The following MICAL2 variants were observed in gnomAD, a reference collection of about 807,000 sequenced individuals.
MICAL2 encodes microtubule associated monooxygenase, calponin and LIM domain containing 2.
Under a neutral mutation model 127.3 loss-of-function variants are expected in MICAL2, and 77 were observed. The observed-to-expected ratio is 0.60, with a 90% CI of 0.50 to 0.73. The LOEUF is 0.73. Among genes scored for constraint, MICAL2 ranks in the 30% least tolerant of loss-of-function variants. MICAL2 has a pLI of 0.00. For synonymous variants in MICAL2, 570 were observed against 551.1 expected, an observed-to-expected ratio of 1.03 and a Z score of -0.48; for missense variants, 1,351 against 1,434.4, an observed-to-expected ratio of 0.94 and a Z score of 0.94.
chr11:12,258,771 G>A (rs900164455), intron 25 of MICAL2, among the ~76,000 whole-genome samples: 6 of 152,210 alleles, frequency 3.9e-5, no homozygotes, highest in African/African-American at 1.4e-4. Flanking sequence ...GAGCTCCCAG[G>A]ACAGTAGCCA....
chr11:12,156,793 T>A (rs2133767355), intron 2 of MICAL2, among the ~76,000 whole-genome samples: 1 of 152,326 alleles, frequency 6.6e-6, no homozygotes, highest in Middle Eastern at 3.4e-3. Flanking sequence ...TCCTGCCTCA[T>A]CTCAGGTGTT....
At chr11:12,249,362 C>A in intron 22 of MICAL2, 116 bp downstream of exon 22, 1 of 656,036 alleles carries the variant, frequency 1.5e-6, no homozygotes, top group Non-Finnish European at 2.8e-6. Flanking sequence ...CAGTGCCTGG[C>A]ACCAGGGGAC....
chr11:12,229,187 T>A (rs1857872929), intron 15 of MICAL2, among the ~76,000 whole-genome samples: 1 of 152,338 alleles, frequency 6.6e-6, no homozygotes, highest in East Asian at 1.9e-4. Context: ...CTCCCTGGGA[T>A]GCTGCAGCGG....
chr11:12,325,324 G>C (rs908743360), intron 31 of MICAL2, among the ~76,000 whole-genome samples: 3 of 152,088 alleles, frequency 2.0e-5, no homozygotes, highest in African/African-American at 7.2e-5. Context: ...TGGCTAGGCT[G>C]ATCTCGAACT....
intron 1 of MICAL2, among the ~76,000 whole-genome samples, chr11:12,126,585 T>C (rs577876135): frequency 1.6e-4 from 25 of 152,072 alleles, no homozygotes; most frequent in African/African-American, 5.8e-4. Flanking sequence ...TTAAGAAGCA[T>C]TTATTGAACA....
At chr11:12,276,518 C>T in intron 1 of MICAL2, 1 of 168,428 alleles carries the variant, frequency 5.9e-6, no homozygotes, top group Non-Finnish European at 1.3e-5. Flanking sequence ...GTCCCGAGGG[C>T]CGCCCACTGC....
At chr11:12,291,613 G>A (rs981161852), downstream of MICAL2, among the ~76,000 whole-genome samples, 1 of 152,174 alleles carries the variant, frequency 6.6e-6, no homozygotes, top group African/African-American at 2.4e-5. Context: ...TCCCTCTCTT[G>A]TGTGCTCTTA....
chr11:12,121,884 T>G (rs555520928), intron 1 of MICAL2, among the ~76,000 whole-genome samples: 13 of 152,284 alleles, frequency 8.5e-5, no homozygotes, highest in African/African-American at 2.9e-4. Flanking sequence ...AAGCAGCAAA[T>G]GTAATGAGTT....
chr11:12,265,271 T>C (rs1863575758), downstream of MICAL2, among the ~76,000 whole-genome samples: 3 of 152,236 alleles, frequency 2.0e-5, no homozygotes, highest in South Asian at 6.2e-4. Flanking sequence ...AACATTTTGT[T>C]TTTGTTTTGG....
downstream of MICAL2, among the ~76,000 whole-genome samples, chr11:12,359,419 A>G (rs1166664209): frequency 6.6e-6 from 1 of 151,932 alleles, no homozygotes; most frequent in Non-Finnish European, 1.5e-5. Context: ...AACTGAACAC[A>G]CTAGGGTACA....
At chr11:12,163,559 T>G (rs1367704477) in intron 3 of MICAL2, 1 of 152,278 alleles carries the variant, frequency 6.6e-6, no homozygotes, top group African/African-American at 2.4e-5. Flanking sequence ...ACACTGACAC[T>G]GCGGGACGTA....
chr11:12,181,698 A>G (rs1857499888), intron 3 of MICAL2, among the ~76,000 whole-genome samples: 1 of 152,130 alleles, frequency 6.6e-6, no homozygotes. Flanking sequence ...TGTCAGTAGG[A>G]CATGAGTTAG....
At position 12,239,442 on chromosome 11, in the gene MICAL2, A is replaced by G. The variant is rs1859559702; in HGVS notation, c.2071A>G (p.Asn691Asp). ...KGFTNLDEPS[N>D]FSSRSLGSNQ... ...CCCGTTTCAACCTTTGCAGCCTTCA[A>G]ACTTTTCCAGCCGTAGCTTGGGCTC... The change falls in exon 17 of 28, where the codon AAC becomes GAC. Residue 691 changes from asparagine (N) to aspartate (D), a missense_variant. Physicochemically the swap from Asn to Asp is conservative, Grantham distance 23. Around this residue, in one of 2 missense-constraint regions of MICAL2, gnomAD observed 752 missense variants for 719.4 expected, o/e 1.05. Transcript: ENST00000683283. 3 of 1,614,142 alleles carry G rather than the reference A, an allele frequency of 1.9e-6. No homozygotes were observed. Among genetic ancestry groups the G allele is most frequent in the African/African-American group, 2.7e-5 (2 of 75,054 alleles).
At chr11:12,292,259 G>A, downstream of MICAL2, 1 of 1,614,076 alleles carries the variant, frequency 6.2e-7, no homozygotes, top group African/African-American at 1.3e-5. Context: ...TTCAACCAGT[G>A]TTTCTGGGAA....
chr11:12,164,276 T>C (rs541228695), intron 3 of MICAL2, among the ~76,000 whole-genome samples: 3 of 152,336 alleles, frequency 2.0e-5, no homozygotes, highest in African/African-American at 7.2e-5. Flanking sequence ...AGGTGCCTCT[T>C]GCCCAGGAAT....
At chr11:12,173,095 T>TC (rs75442951) in intron 3 of MICAL2, among the ~76,000 whole-genome samples, 19,940 of 152,228 alleles carry the variant, frequency 0.13, 1,976 homozygotes, top group East Asian at 0.46. Flanking sequence ...CTATGCAGCT[T>TC]CTTAGAAAGA....
chr11:12,295,839 T>G (rs922159885), downstream of MICAL2, among the ~76,000 whole-genome samples: 5 of 152,174 alleles, frequency 3.3e-5, no homozygotes, highest in African/African-American at 4.8e-5. Context: ...TGTTAACTTA[T>G]ATTTGTATAT....
At chr11:12,234,062 G>A (rs936974176) in intron 15 of MICAL2, among the ~76,000 whole-genome samples, 2 of 152,136 alleles carry the variant, frequency 1.3e-5, no homozygotes, top group African/African-American at 4.8e-5. Flanking sequence ...GGGTCAGAGG[G>A]GCTGAGGTTG....
At chr11:12,226,011 G>A (rs1470106714) in intron 13 of MICAL2, among the ~76,000 whole-genome samples, 160 bp from the exon 14 acceptor site, 3 of 152,170 alleles carry the variant, frequency 2.0e-5, no homozygotes, top group Non-Finnish European at 4.4e-5. Flanking sequence ...AGTGGTGGGT[G>A]AGAACTGGGA....
Sources: gnomAD v4.1 joint callset for allele counts (sites outside exome capture counted in the v4.1 genomes callset) on GRCh38, gnomAD v4.1.1 for gene constraint, gnomAD v4.1.1 regional missense constraint, MANE v1.5 for transcripts, NCBI Gene and HGNC (gene_info 2026-07-23, HGNC 2026-07-21) for gene names.